CSMD3: variants seen among roughly 807,000 people sequenced by gnomAD.
The protein encoded by CSMD3 is CUB and sushi domain-containing protein 3.
CSMD3 carries 177 observed loss-of-function variants against 435.2 expected under a neutral mutation model. The observed-to-expected ratio is 0.41, with a 90% CI of 0.36 to 0.46. The LOEUF (loss-of-function observed/expected upper bound fraction) is 0.46. CSMD3 is among the 20% of genes least tolerant of loss of function. The pLI is 0.34. For missense variants in CSMD3, 4,265 were observed against 4,504.6 expected, an observed-to-expected ratio of 0.95 and a Z score of 1.52; for synonymous variants, 1,656 against 1,520.5, an observed-to-expected ratio of 1.09 and a Z score of -2.07.
chr8:113,190,406 C>T (rs1049048900), intron 3 of CSMD3, among the ~76,000 whole-genome samples: 3 of 151,660 alleles, frequency 2.0e-5, no homozygotes, highest in South Asian at 2.1e-4. Context: ...TTTCAGGAAA[C>T]GAGAACTGCA....
intron 11 of CSMD3, among the ~76,000 whole-genome samples, chr8:112,846,259 C>A (rs892139811): frequency 7.1e-6 from 1 of 141,738 alleles, no homozygotes; most frequent in Non-Finnish European, 1.6e-5. Flanking sequence ...AAGAAATATT[C>A]TTTTTTCCCC....
intron 18 of CSMD3, among the ~76,000 whole-genome samples, chr8:112,654,313 T>C (rs2075204007): frequency 6.6e-6 from 1 of 152,226 alleles, no homozygotes; most frequent in Admixed American, 6.5e-5. Flanking sequence ...CTTTTGTTGG[T>C]TTCTTGATAA....
At chr8:112,590,968 G>A (rs895490814) in intron 22 of CSMD3, among the ~76,000 whole-genome samples, 2 of 152,062 alleles carry the variant, frequency 1.3e-5, no homozygotes, top group African/African-American at 2.4e-5. Context: ...TTAATAGGTA[G>A]TAATGTTTCC....
intron 32 of CSMD3, among the ~76,000 whole-genome samples, chr8:112,453,959 T>A (rs531213882): frequency 2.6e-5 from 4 of 152,038 alleles, no homozygotes; most frequent in Admixed American, 2.6e-4. Flanking sequence ...AATAAAGCTG[T>A]ACTTCTACAA....
intron 1 of CSMD3, among the ~76,000 whole-genome samples, chr8:113,409,061 TTTC>T (rs1302073358): frequency 1.9e-3 from 278 of 149,830 alleles, no homozygotes; most frequent in African/African-American, 6.0e-3. Context: ...AATAAGACTT[TTTC>T]TTCTTCTTCT....
At position 112,237,283 on chromosome 8, in the gene CSMD3, G is replaced by C. The variant is rs775301573; in HGVS notation, c.10534C>G (p.Gln3512Glu). The C allele has an allele frequency of 5.0e-6, 8 of 1,613,212 alleles. No homozygotes were observed. The highest frequency in any genetic ancestry group is 6.8e-6 in the Non-Finnish European group (8 of 1,179,444). The change falls in exon 67 of 71, where the codon CAA (glutamine) becomes GAA (glutamate). Residue 3512 changes from glutamine (Q) to glutamate (E), a missense_variant. Around this residue, in one of 3 missense-constraint regions of CSMD3, gnomAD observed 3,255 missense variants for 3,380.2 expected, o/e 0.96. Coordinates refer to ENST00000297405, the MANE Select transcript of CSMD3 (RefSeq NM_198123.2). ...CTAGTAACTGTTAAGGTCATGGGTTGTTTCCTTCCTTTGAAATTGTAAGAG... is the reference window on the plus strand; with the variant it reads ...CTAGTAACTGTTAAGGTCATGGGTTCTTTCCTTCCTTTGAAATTGTAAGAG... Reference protein sequence around the residue: ...KGSYNFKGRKQPMTLTVTSFN... With the variant: ...KGSYNFKGRKEPMTLTVTSFN...
intron 3 of CSMD3, among the ~76,000 whole-genome samples, chr8:113,236,367 T>C (rs1298410910): frequency 6.6e-6 from 1 of 152,164 alleles, no homozygotes; most frequent in African/African-American, 2.4e-5. Context: ...ACTTCTTTGC[T>C]TACTCTTACT....
chr8:113,228,764 T>A (rs116102727), intron 3 of CSMD3, among the ~76,000 whole-genome samples: 191 of 151,600 alleles, frequency 1.3e-3, no homozygotes, highest in African/African-American at 4.3e-3. Context: ...TCATACTTAA[T>A]GATATTCAGA....
At chr8:112,394,129 C>A (rs1222960442) in intron 35 of CSMD3, among the ~76,000 whole-genome samples, 1 of 152,074 alleles carries the variant, frequency 6.6e-6, no homozygotes, top group Non-Finnish European at 1.5e-5. Context: ...GGATTGTCAC[C>A]ACCATTCACT....
intron 3 of CSMD3, among the ~76,000 whole-genome samples, chr8:113,252,680 T>A (rs1380691779): frequency 1.3e-5 from 2 of 152,092 alleles, no homozygotes; most frequent in Admixed American, 1.3e-4. Flanking sequence ...GGGAAAAGAT[T>A]TTGAAAGAAA....
chr8:112,511,417 T>A (rs1823118940), intron 28 of CSMD3, among the ~76,000 whole-genome samples: 1 of 141,676 alleles, frequency 7.1e-6, no homozygotes. Context: ...TGAGATGGAG[T>A]CTCGCTCTGT....
In CSMD3 at chr8:112,800,284, G is replaced by A. The variant is rs2078929930; in HGVS notation, c.1860-10C>T. 4 of 1,550,994 alleles carry A rather than the reference G, an allele frequency of 2.6e-6. No individual in the cohort carries two copies. Among genetic ancestry groups the A allele is most frequent in the Non-Finnish European group, 3.6e-6 (4 of 1,122,894 alleles). On this transcript the variant is annotated splice_polypyrimidine_tract_variant and intron_variant, in intron 12 of 70. Coordinates refer to ENST00000297405, the MANE Select transcript of CSMD3 (RefSeq NM_198123.2). ...AAAGCTTCCAGTCAGCCTAAAAAGA[G>A]ATGGACAAAGAAGGGAGAGATGGGT...
At chr8:112,731,647 C>G (rs1312884190) in intron 13 of CSMD3, among the ~76,000 whole-genome samples, 1 of 152,050 alleles carries the variant, frequency 6.6e-6, no homozygotes, top group Non-Finnish European at 1.5e-5. Context: ...ATATCAAATG[C>G]CAATCCTTAT....
intron 13 of CSMD3, among the ~76,000 whole-genome samples, chr8:112,755,331 A>AAATTAAT (rs2077668455): frequency 7.8e-6 from 1 of 128,734 alleles, no homozygotes; most frequent in Non-Finnish European, 1.6e-5. Flanking sequence ...ACTCCGTCTC[A>AAATTAAT]AATAATAATA....
intron 10 of CSMD3, among the ~76,000 whole-genome samples, chr8:112,919,649 A>G (rs1356243169): frequency 1.3e-5 from 2 of 151,816 alleles, no homozygotes; most frequent in East Asian, 1.9e-4. Context: ...TATTTGAAAC[A>G]TATCATTTTG....
At position 112,292,400 on chromosome 8, in the gene CSMD3, G is replaced by T. The variant is rs1819852296; in HGVS notation, c.8788+137C>A. 12 of 705,920 alleles carry T rather than the reference G, an allele frequency of 1.7e-5. No individual in the cohort carries two copies. The East Asian group carries it at 3.1e-4, about 18-fold the overall frequency. 43.7% of individuals were successfully genotyped at this position (705,920 alleles called of 1,614,324 possible). A position where few individuals can be genotyped will look rare whatever the true frequency, so the allele number is the denominator to read the frequency against. On this transcript the variant is annotated intron_variant, in intron 55 of 70. Transcript: ENST00000297405. ...AAAAGGAAAGCATTGTTAATGAGAT[G>T]ACATCAGTATTAAAGCTTTTTGTTT...
At chr8:112,960,710 T>C (rs768848275) in intron 7 of CSMD3, among the ~76,000 whole-genome samples, 3 of 151,766 alleles carry the variant, frequency 2.0e-5, no homozygotes, top group Non-Finnish European at 4.4e-5. Context: ...AAAAAAGTTC[T>C]TAAAGTACAG....
At chr8:113,285,338 C>A (rs1377760273) in intron 2 of CSMD3, among the ~76,000 whole-genome samples, 1 of 122,160 alleles carries the variant, frequency 8.2e-6, no homozygotes, top group Non-Finnish European at 1.6e-5. Context: ...CGGCTCACTG[C>A]AAGCTCCACC....
At chr8:112,376,740 T>C (rs1193521496) in intron 38 of CSMD3, among the ~76,000 whole-genome samples, 1 of 152,170 alleles carries the variant, frequency 6.6e-6, no homozygotes, top group Non-Finnish European at 1.5e-5. Context: ...GTCCATTATC[T>C]TCTACCTCTA....
Sources: allele counts gnomAD v4.1 joint callset (sites outside exome capture counted in the v4.1 genomes callset), GRCh38; gene constraint gnomAD v4.1.1; regional missense constraint gnomAD v4.1.1; transcripts MANE v1.5; gene names NCBI Gene and HGNC (gene_info 2026-07-23, HGNC 2026-07-21).